TTC17: variants seen among roughly 807,000 people sequenced by gnomAD.
The protein encoded by TTC17 is tetratricopeptide repeat protein 17.
In TTC17, 58 loss-of-function variants were observed where a neutral mutation model predicts 143.8. The ratio of observed to expected loss-of-function variants is 0.40; its 90% CI spans 0.33 to 0.50. The LOEUF is 0.50. Among genes scored for constraint, TTC17 ranks in the 20% least tolerant of loss-of-function variants. TTC17 has a pLI of 0.49. For missense variants in TTC17, 1,273 were observed against 1,392.5 expected (o/e 0.91, Z 1.37); for synonymous variants, 501 against 497.8 (o/e 1.01, Z -0.09).
At chr11:43,491,957 A>G in intron 22 of TTC17, 63 bp from the exon 23 acceptor site, 1 of 1,591,660 alleles carries the variant, frequency 6.3e-7, no homozygotes, top group East Asian at 2.2e-5. Context: ...TATGATCACC[A>G]AAAACAAGAA....
At chr11:43,480,182 C>T (rs748882117) in intron 21 of TTC17, among the ~76,000 whole-genome samples, 1 of 152,206 alleles carries the variant, frequency 6.6e-6, no homozygotes, top group Non-Finnish European at 1.5e-5. Flanking sequence ...TATTCATTCA[C>T]TCATTCATTT....
intron 16 of TTC17, among the ~76,000 whole-genome samples, chr11:43,434,168 GAC>G (rs55913890): frequency 0.015 from 1,866 of 125,284 alleles, 18 homozygotes; most frequent in African/African-American, 0.022. Context: ...CATGGGCGGG[GAC>G]ACACACACAC....
chr11:43,395,707 TGTA>T (rs1426941024), intron 5 of TTC17, among the ~76,000 whole-genome samples: 9 of 152,296 alleles, frequency 5.9e-5, no homozygotes, highest in East Asian at 1.9e-4. Context: ...TTGTACTTAT[TGTA>T]GTCTTAAAAA....
At chr11:43,420,010 T>A (rs1452691608) in intron 16 of TTC17, among the ~76,000 whole-genome samples, 1 of 152,252 alleles carries the variant, frequency 6.6e-6, no homozygotes, top group East Asian at 1.9e-4. Flanking sequence ...ATGTAATGTG[T>A]CTAAATCTGT....
chr11:43,401,479 A>G lies in TTC17; in HGVS notation c.1253A>G (p.Gln418Arg). ...NHQICRLVNQ[Q>R]HSLHCQWDQP... is the part of the protein sequence containing the mutation. ...CAGATATGCCGACTGGTCAACCAGC[A>G]GCATAGTTTACATTGCCAGTGGGAC... Residue 418 changes from glutamine to arginine, a missense_variant, in exon 10 of 24, where the codon CAG (glutamine) becomes CGG (arginine). By Grantham distance (43) the Gln-to-Arg change is conservative. Coordinates refer to ENST00000039989, the MANE Select transcript of TTC17 (RefSeq NM_018259.6). 2 of 1,613,310 alleles carry G rather than the reference A, an allele frequency of 1.2e-6. No individual in the cohort carries two copies. The highest frequency in any genetic ancestry group is 1.7e-6 in the Non-Finnish European group (2 of 1,179,736).
At chr11:43,446,987 C>T (rs1484601067) in intron 18 of TTC17, among the ~76,000 whole-genome samples, 3 of 152,186 alleles carry the variant, frequency 2.0e-5, no homozygotes, top group African/African-American at 7.2e-5. Flanking sequence ...CACTTAGTCT[C>T]TCTGAGTCTC....
intron 1 of TTC17, among the ~76,000 whole-genome samples, chr11:43,378,404 G>A (rs546354219): frequency 3.9e-5 from 6 of 152,332 alleles, no homozygotes; most frequent in African/African-American, 1.4e-4. Context: ...GTCACTGGCA[G>A]TAGCTTTAAC....
At chr11:43,374,733 CTAT>C (rs1856697733) in intron 1 of TTC17, among the ~76,000 whole-genome samples, 1 of 142,378 alleles carries the variant, frequency 7.0e-6, no homozygotes, top group Non-Finnish European at 1.5e-5. Context: ...GTCAGAATGA[CTAT>C]TATTAAAAAG....
chr11:43,420,345 T>C (rs1393370269), intron 16 of TTC17, among the ~76,000 whole-genome samples: 3 of 152,220 alleles, frequency 2.0e-5, no homozygotes. Context: ...GGACATTTTA[T>C]AAAAATGGTA....
chr11:43,433,163 G>C (rs1157737289), intron 16 of TTC17, among the ~76,000 whole-genome samples: 1 of 152,128 alleles, frequency 6.6e-6, no homozygotes, highest in Admixed American at 6.5e-5. Flanking sequence ...ACCATGCCCA[G>C]CTAATTTTTG....
At chr11:43,388,100 T>C (rs2134514147) in intron 2 of TTC17, among the ~76,000 whole-genome samples, 1 of 152,350 alleles carries the variant, frequency 6.6e-6, no homozygotes, top group South Asian at 2.1e-4. Flanking sequence ...CTAGAATTTT[T>C]CACATGTATA....
At chr11:43,448,313 C>G (rs556706752) in intron 19 of TTC17, among the ~76,000 whole-genome samples, 191 bp downstream of exon 19, 1 of 152,152 alleles carries the variant, frequency 6.6e-6, no homozygotes, top group Non-Finnish European at 1.5e-5. Context: ...AGTGTGCCCC[C>G]CTTCCCGGTG....
chr11:43,458,578 C>T (rs1482582958), intron 21 of TTC17, among the ~76,000 whole-genome samples: 1 of 152,146 alleles, frequency 6.6e-6, no homozygotes, highest in Non-Finnish European at 1.5e-5. Flanking sequence ...GGGCATCTCT[C>T]ATTTGCCTGA....
chr11:43,358,970 G>C lies in TTC17; in HGVS notation c.16G>C (p.Gly6Arg), dbSNP rs1197430978. ...GGGGGGCAAGATGGCGGCGGCAGTA[G>C]GGGTTCGTGGCCGGTACGAGCTGCC... MAAAVGVRGRYELPPC... is the reference protein window; with the variant it reads MAAAVRVRGRYELPPC... The change falls in exon 1 of 24, where the codon GGG (glycine) becomes CGG (arginine). Residue 6 changes from glycine (G) to arginine (R), a missense_variant. Around this residue, in one of 3 missense-constraint regions of TTC17, gnomAD observed 70 missense variants for 48.5 expected, o/e 1.44. Transcript: ENST00000039989. 4 of 1,579,208 alleles carry C rather than the reference G, an allele frequency of 2.5e-6. No individual in the cohort carries two copies.
chr11:43,414,883 A>T, intron 16 of TTC17, 107 bp downstream of exon 16: 1 of 1,207,066 alleles, frequency 8.3e-7, no homozygotes, highest in Non-Finnish European at 1.2e-6. Flanking sequence ...AGGATTTTAG[A>T]TAACCAGTAT....
In TTC17 at chr11:43,494,251, C is replaced by G. The variant is rs1285578002; in HGVS notation, c.*347C>G. ...TTCTCAGTGGTCCAGCTAGCCTTCTCTTTGGAGGAGGATGAAGCCGCATTG... is the reference window on the plus strand; with the variant it reads ...TTCTCAGTGGTCCAGCTAGCCTTCTGTTTGGAGGAGGATGAAGCCGCATTG... On this transcript the variant is annotated 3_prime_UTR_variant, in exon 24 of 24. Coordinates refer to ENST00000039989, the MANE Select transcript of TTC17 (RefSeq NM_018259.6). The G allele has an allele frequency of 5.7e-6, 1 of 175,896 alleles. No individual in the cohort carries two copies. The highest frequency in any genetic ancestry group is 1.2e-5 in the Non-Finnish European group (1 of 82,070). The allele number at this position is 175,896 out of a possible 1,614,324, so 10.9% of individuals were successfully genotyped here.
At chr11:43,407,329 CTG>C in intron 14 of TTC17, 22 bp from the exon 15 acceptor site, 1 of 1,606,848 alleles carries the variant, frequency 6.2e-7, no homozygotes, top group Non-Finnish European at 8.5e-7. Context: ...CTTGTACTAA[CTG>C]AAGTATTTTT....
intron 16 of TTC17, among the ~76,000 whole-genome samples, chr11:43,418,645 T>TA (rs568661002): frequency 3.3e-5 from 5 of 151,856 alleles, no homozygotes; most frequent in African/African-American, 9.7e-5. Flanking sequence ...GCTCAACACT[T>TA]AAAAAAAACA....
intron 15 of TTC17, among the ~76,000 whole-genome samples, chr11:43,408,559 C>CT (rs958574667): frequency 2.0e-5 from 3 of 152,096 alleles, no homozygotes; most frequent in African/African-American, 7.2e-5. Context: ...TCATGATTCC[C>CT]TTTTTACTGT....
Sources: gnomAD v4.1 joint callset for allele counts (sites outside exome capture counted in the v4.1 genomes callset) on GRCh38, gnomAD v4.1.1 for gene constraint, gnomAD v4.1.1 regional missense constraint, MANE v1.5 for transcripts, NCBI Gene and HGNC (gene_info 2026-07-23, HGNC 2026-07-21) for gene names.